ATP9B: variants seen among roughly 807,000 people sequenced by gnomAD.
ATP9B encodes ATPase phospholipid transporting 9B, also known as probable phospholipid-transporting ATPase IIB.
Under a neutral mutation model 146.1 loss-of-function variants are expected in ATP9B, and 110 were observed. The ratio of observed to expected loss-of-function variants is 0.75; its 90% CI spans 0.65 to 0.88. ATP9B has a LOEUF of 0.88. Among genes scored for constraint, ATP9B ranks in the 40% least tolerant of loss-of-function variants. ATP9B has a pLI of 0.00. For missense variants in ATP9B, 1,499 were observed against 1,496.4 expected (o/e 1.00, Z -0.03); for synonymous variants, 604 against 569.7 (o/e 1.06, Z -0.86).
chr18:79,304,803 C>T (rs1287003754), intron 14 of ATP9B, among the ~76,000 whole-genome samples: 1 of 152,168 alleles, frequency 6.6e-6, no homozygotes, highest in Non-Finnish European at 1.5e-5. Flanking sequence ...TTTGATCAGA[C>T]CTGGAGATCT....
intron 21 of ATP9B, 98 bp from the exon 22 acceptor site, chr18:79,345,330 G>A (rs2096880488): frequency 7.2e-7 from 1 of 1,394,960 alleles, no homozygotes; most frequent in Non-Finnish European, 9.8e-7. Context: ...TGTGGCGTCT[G>A]TTGGCTTTGC....
At chr18:79,268,442 TTTA>T (rs2096225016) in intron 12 of ATP9B, among the ~76,000 whole-genome samples, 1 of 152,166 alleles carries the variant, frequency 6.6e-6, no homozygotes, top group South Asian at 2.1e-4. Flanking sequence ...TTCTTGCCAT[TTTA>T]TTATTTTTTT....
At chr18:79,278,355 A>C (rs752788870) in intron 13 of ATP9B, among the ~76,000 whole-genome samples, 5 of 152,168 alleles carry the variant, frequency 3.3e-5, no homozygotes, top group Admixed American at 1.3e-4. Context: ...TACTTCCACT[A>C]TCCGTGCAGC....
At position 79,287,688 on chromosome 18, in the gene ATP9B, A is replaced by C. The variant is rs545347323; in HGVS notation, c.1411+10492A>C. On this transcript the variant is annotated intron_variant, in intron 13 of 29. Transcript: ENST00000426216. ...TGAATGTGTTTGCTCTTGCTTTTCT[A>C]GTTCTTTTAATTGTGATGTTAGGGT... 9.7e-3 allele frequency among the ~76,000 whole-genome samples: 1,479 copies of C among 151,924 alleles called. 15 individuals carry two copies. The highest frequency in any genetic ancestry group is 0.034 in the African/African-American group (1,390 of 41,360).
chr18:79,313,030 C>T (rs145278744), intron 15 of ATP9B, among the ~76,000 whole-genome samples: 27 of 152,302 alleles, frequency 1.8e-4, no homozygotes, highest in South Asian at 1.0e-3. Context: ...CCTGTCAGCG[C>T]GCTGTTGGCT....
At chr18:79,145,111 A>C (rs1369404530) in intron 6 of ATP9B, 3 of 141,996 alleles carry the variant, frequency 2.1e-5, no homozygotes, top group Non-Finnish European at 4.4e-5. Flanking sequence ...CTGAAGGTGC[A>C]AGCTGCATGT....
intron 5 of ATP9B, among the ~76,000 whole-genome samples, chr18:79,132,603 A>C (rs2094394222): frequency 2.0e-5 from 3 of 152,234 alleles, no homozygotes; most frequent in African/African-American, 7.2e-5. Context: ...GTAGTATTAA[A>C]AAATGCATCA....
At chr18:79,343,989 A>G in intron 20 of ATP9B, 4 of 511,992 alleles carry the variant, frequency 7.8e-6, no homozygotes, top group South Asian at 6.8e-5. Flanking sequence ...AAATTTCATC[A>G]GAGTGGTGAT....
chr18:79,330,196 A>C (rs367674949), intron 17 of ATP9B, 92 bp downstream of exon 17: 3 of 1,170,942 alleles, frequency 2.6e-6, no homozygotes, highest in Non-Finnish European at 3.8e-6. Flanking sequence ...GTTTCTATGA[A>C]CTTTATTGAT....
intron 3 of ATP9B, among the ~76,000 whole-genome samples, chr18:79,112,377 G>A (rs879656420): frequency 8.5e-5 from 13 of 152,054 alleles, no homozygotes; most frequent in African/African-American, 2.7e-4. Context: ...AATTAGAGGC[G>A]TTTGTAAATT....
intron 13 of ATP9B, among the ~76,000 whole-genome samples, chr18:79,302,454 A>T (rs1215258730): frequency 2.0e-5 from 3 of 151,374 alleles, no homozygotes; most frequent in Non-Finnish European, 4.4e-5. Context: ...ATAAGTGCAC[A>T]CACCCCCGGG....
In ATP9B at chr18:79,330,000, G is replaced by C; in HGVS notation, c.1936-12G>C. 1.2e-6 allele frequency: 2 copies of C among 1,613,200 alleles called. No homozygotes were observed. The highest frequency in any genetic ancestry group is 1.7e-6 in the Non-Finnish European group (2 of 1,179,168). On this transcript the variant is annotated splice_polypyrimidine_tract_variant and intron_variant, in intron 16 of 29. Coordinates refer to ENST00000426216, the MANE Select transcript of ATP9B (RefSeq NM_198531.5). ...CCTAAATGTGCCTCTGTTTATTTTT[G>C]TTCTTTGATAGGATGAATCCACGGC... is the stretch of plus-strand genomic sequence containing the variant.
chr18:79,356,581 T>G (rs1854447995), intron 25 of ATP9B, among the ~76,000 whole-genome samples: 2 of 152,248 alleles, frequency 1.3e-5, no homozygotes, highest in Admixed American at 1.3e-4. Flanking sequence ...AGCAGCAACC[T>G]AGATGAATCT....
chr18:79,249,616 G>C (rs555816098), intron 11 of ATP9B, among the ~76,000 whole-genome samples: 64 of 152,318 alleles, frequency 4.2e-4, no homozygotes, highest in African/African-American at 1.5e-3. Context: ...AGAAGGAAGA[G>C]ATCCACATCA....
At position 79,253,552 on chromosome 18, in the gene ATP9B, A is replaced by G; in HGVS notation, c.1268+11A>G. ...CATCATTCCCATAAGGTAAGTTTAA[A>G]AATGAAAATAAAACAAATGTCTGGT... On this transcript the variant is annotated intron_variant, in intron 12 of 29. Transcript: ENST00000426216. 1.3e-6 allele frequency: 2 copies of G among 1,565,192 alleles called. No individual in the cohort carries two copies. Among genetic ancestry groups the G allele is most frequent in the South Asian group, 2.4e-5 (2 of 83,108 alleles).
intron 1 of ATP9B, among the ~76,000 whole-genome samples, chr18:79,084,025 A>AT (rs941176339): frequency 6.6e-6 from 1 of 151,410 alleles, no homozygotes; most frequent in Non-Finnish European, 1.5e-5. Flanking sequence ...TGCCCGGCTA[A>AT]TTTTTTTTGT....
chr18:79,323,302 A>G (rs545459591), intron 15 of ATP9B, among the ~76,000 whole-genome samples: 1 of 152,276 alleles, frequency 6.6e-6, no homozygotes, highest in South Asian at 2.1e-4. Flanking sequence ...TTGCAGTTCC[A>G]TTCTTAGTTA....
At chr18:79,215,882 G>T (rs951251475) in intron 11 of ATP9B, among the ~76,000 whole-genome samples, 14 of 152,094 alleles carry the variant, frequency 9.2e-5, no homozygotes, top group African/African-American at 3.1e-4. Flanking sequence ...TAGAGATGGG[G>T]TTTCACCATG....
chr18:79,290,304 G>T (rs1043078475), intron 13 of ATP9B, among the ~76,000 whole-genome samples: 32 of 152,290 alleles, frequency 2.1e-4, no homozygotes, highest in African/African-American at 5.8e-4. Flanking sequence ...GTTTACCTAA[G>T]CAAGCCTGGG....
Sources: allele counts gnomAD v4.1 joint callset (sites outside exome capture counted in the v4.1 genomes callset), GRCh38; gene constraint gnomAD v4.1.1; transcripts MANE v1.5; gene names NCBI Gene and HGNC (gene_info 2026-07-23, HGNC 2026-07-21).